The following FLI1 variants were observed in gnomAD, a reference collection of about 807,000 sequenced individuals.
The protein encoded by FLI1 is Friend leukemia integration 1 transcription factor.
FLI1 carries 13 observed loss-of-function variants against 53.1 expected under a neutral mutation model. The ratio of observed to expected loss-of-function variants is 0.24; its 90% confidence interval spans 0.16 to 0.39. FLI1 has a LOEUF of 0.39. Ranked by LOEUF, FLI1 falls within the 10% of genes least tolerant of loss-of-function variation. The pLI, the probability that FLI1 is intolerant of heterozygous loss-of-function variation, is 1.00. For missense variants in FLI1, 424 were observed against 600.5 expected (o/e 0.71, Z 3.07); for synonymous variants, 244 against 236.7 (o/e 1.03, Z -0.28).
At chr11:128,800,654 TCTC>T (rs1942609112) in intron 5 of FLI1, among the ~76,000 whole-genome samples, 1 of 152,206 alleles carries the variant, frequency 6.6e-6, no homozygotes, top group African/African-American at 2.4e-5. Flanking sequence ...TGCTCATATT[TCTC>T]TACCTCAGGA....
chr11:128,715,070 C>A (rs573577117), intron 1 of FLI1, among the ~76,000 whole-genome samples: 13 of 152,242 alleles, frequency 8.5e-5, no homozygotes, highest in African/African-American at 3.1e-4. Flanking sequence ...TCATGACTCG[C>A]ACGCACCCAG....
At chr11:128,702,085 G>A (rs188289948) in intron 1 of FLI1, among the ~76,000 whole-genome samples, 30 of 152,320 alleles carry the variant, frequency 2.0e-4, no homozygotes, top group Non-Finnish European at 3.4e-4. Context: ...ATGGAAAAGC[G>A]TATGTTTCAA....
At chr11:128,808,464 G>A (rs899865385) in intron 7 of FLI1, among the ~76,000 whole-genome samples, 3 of 152,172 alleles carry the variant, frequency 2.0e-5, no homozygotes, top group Non-Finnish European at 4.4e-5. Flanking sequence ...CATACGTTTT[G>A]AGGAAAGTGA....
At chr11:128,805,473 C>A in intron 6 of FLI1, 42 bp downstream of exon 6, 1 of 1,256,984 alleles carries the variant, frequency 8.0e-7, no homozygotes, top group Non-Finnish European at 1.1e-6. Flanking sequence ...AAGCATGTTT[C>A]TGAGGACAGG....
chr11:128,810,397 T>C lies in FLI1; in HGVS notation c.830-62T>C, dbSNP rs764229261. On this transcript the variant is annotated intron_variant, in intron 8 of 8. Transcript: ENST00000527786. This position sits in a 1 kb window ranked among gnomAD's most constrained non-coding sequence, Gnocchi z 6.6. ...GAGAAGCTCCCTGCATTTAGGGAAC[T>C]GGGTTCTGCCTTCTCTGGGCTGAGG... 6.7e-7 allele frequency: 1 copy of C among 1,486,366 alleles called. No individual in the cohort carries two copies. Among genetic ancestry groups the C allele is most frequent in the East Asian group, 2.5e-5 (1 of 40,668 alleles). The allele number at this position is 1,486,366 out of a possible 1,614,324, so 92.1% of individuals were successfully genotyped here.
chr11:128,741,392 C>T (rs1940133291), intron 1 of FLI1, among the ~76,000 whole-genome samples: 1 of 152,092 alleles, frequency 6.6e-6, no homozygotes, highest in South Asian at 2.1e-4. Flanking sequence ...GACTCCGTCT[C>T]AAAAGTAATA....
intron 1 of FLI1, among the ~76,000 whole-genome samples, chr11:128,749,549 G>A (rs1940555128): frequency 1.3e-5 from 2 of 152,184 alleles, no homozygotes; most frequent in Non-Finnish European, 2.9e-5. Context: ...TTATCACCTT[G>A]TCCCGGAAGT....
intron 1 of FLI1, among the ~76,000 whole-genome samples, chr11:128,736,805 T>C (rs2135764609): frequency 6.6e-6 from 1 of 152,348 alleles, no homozygotes; most frequent in Non-Finnish European, 1.5e-5. Context: ...GCAATTTTTA[T>C]TAGTTTTCAA....
chr11:128,761,149 G>A (rs79334033), intron 2 of FLI1, among the ~76,000 whole-genome samples: 1,978 of 152,180 alleles, frequency 0.013, 37 homozygotes, highest in African/African-American at 0.045. Context: ...AGCCTCATAA[G>A]ACTCTAGCTG....
chr11:128,710,285 A>T (rs1289376638), intron 1 of FLI1, among the ~76,000 whole-genome samples: 3 of 152,196 alleles, frequency 2.0e-5, no homozygotes, highest in Non-Finnish European at 4.4e-5. Context: ...GACCATTTCC[A>T]TTTAAGTGCT....
intron 5 of FLI1, among the ~76,000 whole-genome samples, chr11:128,794,205 A>G (rs1043181705): frequency 1.3e-5 from 2 of 152,228 alleles, no homozygotes; most frequent in African/African-American, 4.8e-5. Context: ...GGTTCACAAT[A>G]GAAGTTAAAA....
At chr11:128,737,870 G>A (rs534064042) in intron 1 of FLI1, among the ~76,000 whole-genome samples, 7 of 152,308 alleles carry the variant, frequency 4.6e-5, no homozygotes, top group African/African-American at 1.4e-4. Context: ...TTGCTTGGCT[G>A]TCAGAAGTAG....
chr11:128,768,802 AC>A (rs1941449328), intron 3 of FLI1, among the ~76,000 whole-genome samples: 1 of 152,092 alleles, frequency 6.6e-6, no homozygotes, highest in African/African-American at 2.4e-5. Context: ...CCACCCTTAA[AC>A]AGACCACATC....
rs374370811 is a variant in FLI1, at chr11:128,810,910, G to C, written c.1281G>C (p.Thr427=). Residue 427 remains threonine (T), a synonymous_variant, in exon 9 of 9, where the codon ACG becomes ACC. Coordinates refer to ENST00000527786, the MANE Select transcript of FLI1 (RefSeq NM_002017.5). The surrounding 1 kb of genome is among the most constrained non-coding windows in gnomAD (Gnocchi z 6.6). ...CATCACAATACTGGACCTCCCCCAC[G>C]GGGGGAATCTACCCCAACCCCAACG... ...GAASQYWTSP[T]GGIYPNPNVP... 6 of 1,613,430 alleles carry C rather than the reference G, an allele frequency of 3.7e-6. No homozygotes were observed. In the African/African-American group the frequency reaches 8.0e-5, roughly 22 times the overall value.
At chr11:128,726,135 C>T (rs1444475519) in intron 1 of FLI1, among the ~76,000 whole-genome samples, 1 of 152,190 alleles carries the variant, frequency 6.6e-6, no homozygotes, top group East Asian at 1.9e-4. Context: ...CTCCCCTCTC[C>T]ATCCACTCAG....
chr11:128,778,195 T>C (rs1381551553), intron 4 of FLI1, among the ~76,000 whole-genome samples: 1 of 152,118 alleles, frequency 6.6e-6, no homozygotes, highest in Non-Finnish European at 1.5e-5. Flanking sequence ...AATAACCAAG[T>C]AGGCAAATCT....
At chr11:128,784,504 T>TC (rs2135870261) in intron 5 of FLI1, among the ~76,000 whole-genome samples, 1 of 152,208 alleles carries the variant, frequency 6.6e-6, no homozygotes, top group South Asian at 2.1e-4. Context: ...TCTCCCAACA[T>TC]CGGGCCTGGC....
intron 1 of FLI1, among the ~76,000 whole-genome samples, chr11:128,730,241 C>G (rs926513257): frequency 6.6e-6 from 1 of 152,222 alleles, no homozygotes. Context: ...TCCATCCTCA[C>G]AACCCTATTT....
At chr11:128,764,946 C>A (rs1043121129) in intron 2 of FLI1, 2 of 1,073,344 alleles carry the variant, frequency 1.9e-6, no homozygotes, top group Non-Finnish European at 2.7e-6. Flanking sequence ...AGTGCAGAAG[C>A]CTGGGACCGA....
Sources: gnomAD v4.1 joint callset for allele counts (sites outside exome capture counted in the v4.1 genomes callset) on GRCh38, gnomAD v4.1.1 for gene constraint, Gnocchi (gnomAD v3.1) non-coding constraint, MANE v1.5 for transcripts, NCBI Gene and HGNC (gene_info 2026-07-23, HGNC 2026-07-21) for gene names.